The following TCF4 variants were observed in gnomAD, a reference collection of about 807,000 sequenced individuals.
TCF4 encodes the protein SL3-3 enhancer factor 2.
A neutral mutation model predicts 82.1 loss-of-function variants in TCF4; 3 were observed. That is an observed-to-expected ratio of 0.04 (90% CI 0.02 to 0.09). The LOEUF is 0.09. Ranked by LOEUF, TCF4 falls within the 10% of genes least tolerant of loss-of-function variation. The pLI is 1.00. For synonymous variants in TCF4, 276 were observed against 309.6 expected (o/e 0.89, Z 1.14); for missense variants, 518 against 852.7 (o/e 0.61, Z 4.89).
At chr18:55,454,111 C>T (rs963853320) in intron 5 of TCF4, among the ~76,000 whole-genome samples, 3 of 152,094 alleles carry the variant, frequency 2.0e-5, no homozygotes, top group Non-Finnish European at 4.4e-5. Flanking sequence ...AATCCTTCCA[C>T]CTTGGCCTCC....
At chr18:55,277,846 C>T (rs1038096041) in intron 9 of TCF4, among the ~76,000 whole-genome samples, 1 of 152,166 alleles carries the variant, frequency 6.6e-6, no homozygotes, top group East Asian at 1.9e-4. Flanking sequence ...TCTCTGTAAG[C>T]TCCTGTAGGA....
intron 6 of TCF4, among the ~76,000 whole-genome samples, chr18:55,364,508 A>T (rs1054598083): frequency 1.3e-5 from 2 of 152,228 alleles, no homozygotes; most frequent in African/African-American, 2.4e-5. Flanking sequence ...TCTGTGGTTT[A>T]TATTTGTTAT....
At chr18:55,507,279 C>CA (rs1418634074) in intron 3 of TCF4, among the ~76,000 whole-genome samples, 2 of 151,876 alleles carry the variant, frequency 1.3e-5, no homozygotes, top group African/African-American at 4.8e-5. Flanking sequence ...ATAGTTAAGT[C>CA]AAAAAAGGGT....
chr18:55,579,541 T>C (rs553174583), intron 3 of TCF4, among the ~76,000 whole-genome samples: 1 of 152,166 alleles, frequency 6.6e-6, no homozygotes, highest in Non-Finnish European at 1.5e-5. Context: ...ATCTGACTTA[T>C]TCAACTTACA....
chr18:55,588,540 C>T (rs537069594), upstream of TCF4: 208 of 1,530,672 alleles, frequency 1.4e-4, no homozygotes, highest in Non-Finnish European at 1.7e-4. Flanking sequence ...TTGCATCCCT[C>T]GGAGGCACTT....
Position 55,559,109 on chromosome 18 carries a change from G to C in TCF4, c.145+26171C>G, listed in dbSNP as rs1472417015. Among the ~76,000 whole-genome samples the C allele has an allele frequency of 2.4e-4, 31 of 130,410 alleles. No individual in the cohort carries two copies. In the Admixed American group the frequency reaches 2.4e-3, roughly 10 times the overall value. The allele number at this position is 130,410 out of a possible 152,430, so 85.6% of individuals were successfully genotyped here. A position where few individuals can be genotyped will look rare whatever the true frequency, so the allele number is the denominator to read the frequency against. On this transcript the variant is annotated intron_variant, in intron 3 of 19. Coordinates refer to ENST00000354452, the MANE Select transcript of TCF4 (RefSeq NM_001083962.2). ...ACACCCACTAGGCATTCAACCATGA[G>C]ACCGTCAACATCAAAGCCAACTAGA... is the stretch of plus-strand genomic sequence containing the variant.
chr18:55,419,100 G>GA (rs2094631448), intron 5 of TCF4, among the ~76,000 whole-genome samples: 1 of 152,166 alleles, frequency 6.6e-6, no homozygotes, highest in African/African-American at 2.4e-5. Flanking sequence ...TACAGTAATT[G>GA]TCAATGCTCA....
intron 6 of TCF4, chr18:55,352,059 A>G: frequency 3.1e-6 from 1 of 327,074 alleles, no homozygotes; most frequent in Non-Finnish European, 4.4e-6. Flanking sequence ...CATGTCACTC[A>G]CAACAGACTT....
At chr18:55,251,679 C>G (rs2055145566) in intron 15 of TCF4, among the ~76,000 whole-genome samples, 2 of 152,112 alleles carry the variant, frequency 1.3e-5, no homozygotes, top group African/African-American at 4.8e-5. Context: ...AATACAAAAC[C>G]GGGACTGGGA....
intron 3 of TCF4, among the ~76,000 whole-genome samples, chr18:55,471,765 C>CAA (rs11338618): frequency 0.09 from 11,796 of 131,320 alleles, 557 homozygotes; most frequent in South Asian, 0.2. Flanking sequence ...GACTCTGTCT[C>CAA]AAAAAAAAAA....
intron 6 of TCF4, among the ~76,000 whole-genome samples, chr18:55,391,539 C>G (rs1161531655): frequency 6.6e-6 from 1 of 151,940 alleles, no homozygotes; most frequent in African/African-American, 2.4e-5. Flanking sequence ...CACAAAATAC[C>G]CTGGGAGAAC....
intron 6 of TCF4, among the ~76,000 whole-genome samples, chr18:55,397,238 C>T (rs1449422213): frequency 6.6e-6 from 1 of 152,162 alleles, no homozygotes; most frequent in African/African-American, 2.4e-5. Flanking sequence ...ATACACAGCA[C>T]CCCCAATGAA....
chr18:55,588,320 G>C, upstream of TCF4: 3 of 1,474,308 alleles, frequency 2.0e-6, no homozygotes, highest in Non-Finnish European at 2.7e-6. Flanking sequence ...CAAAGAAATG[G>C]GTGGGGGGGC....
chr18:55,416,361 G>A (rs553892769), intron 5 of TCF4, among the ~76,000 whole-genome samples: 123 of 152,222 alleles, frequency 8.1e-4, no homozygotes, highest in African/African-American at 2.9e-3. Flanking sequence ...TTTCAAATAG[G>A]TTAGAATGAA....
intron 8 of TCF4, among the ~76,000 whole-genome samples, chr18:55,295,333 C>T (rs149020872): frequency 2.6e-5 from 4 of 152,272 alleles, no homozygotes; most frequent in East Asian, 1.9e-4. Flanking sequence ...GCTCATTTTC[C>T]GGTGATGAGG....
Position 55,296,121 on chromosome 18 carries a change from T to TA in TCF4, c.550-16466dup, listed in dbSNP as rs201483457. Among the ~76,000 whole-genome samples, 5 of 150,882 alleles carry TA rather than the reference T, an allele frequency of 3.3e-5. 1 individual carries two copies. The highest frequency in any genetic ancestry group is 1.2e-4 in the African/African-American group (5 of 41,160). On this transcript the variant is annotated intron_variant, in intron 8 of 19. Transcript: ENST00000354452. ...TACATTAAAGTGTTTTTTTTTTTTT[T>TA]AAACAACCAAAATAACTCCTCCTGA...
intron 19 of TCF4, 29 bp from the exon 20 acceptor site, chr18:55,228,059 T>C (rs1220674453): frequency 1.1e-6 from 1 of 892,246 alleles, no homozygotes; most frequent in Non-Finnish European, 1.7e-6. Flanking sequence ...GAGAAAAAAT[T>C]CATTAATATA....
chr18:55,349,703 T>C (rs1178941854), intron 8 of TCF4, among the ~76,000 whole-genome samples: 6 of 151,000 alleles, frequency 4.0e-5, no homozygotes, highest in African/African-American at 1.5e-4. Flanking sequence ...TATGATATCA[T>C]GTATTGAGTT....
chr18:55,559,426 T>C lies in TCF4; in HGVS notation c.145+25854A>G, dbSNP rs932158076. 6.6e-5 allele frequency among the ~76,000 whole-genome samples: 10 copies of C among 152,104 alleles called. No individual in the cohort carries two copies. In the South Asian group the frequency reaches 1.0e-3, roughly 16 times the overall value. On this transcript the variant is annotated intron_variant, in intron 3 of 19. Coordinates refer to ENST00000354452, the MANE Select transcript of TCF4 (RefSeq NM_001083962.2). ...AATGAAGTGCACTTATAAACACGGA[T>C]ACTTAAACCGAATCATGATAATGTT...
Sources: gnomAD v4.1 joint callset for allele counts (sites outside exome capture counted in the v4.1 genomes callset) on GRCh38, gnomAD v4.1.1 for gene constraint, MANE v1.5 for transcripts, NCBI Gene and HGNC (gene_info 2026-07-23, HGNC 2026-07-21) for gene names.